The following CHST8 variants were observed in gnomAD, a reference collection of about 807,000 sequenced individuals.
CHST8 encodes GALNAC-4-ST1.
A neutral mutation model predicts 15.0 loss-of-function variants in CHST8; 10 were observed. The observed-to-expected ratio is 0.67, with a 90% CI of 0.41 to 1.13. CHST8 has a LOEUF of 1.13. Among genes scored for constraint, CHST8 ranks in the 50% most tolerant of loss-of-function variants. The probability of loss-of-function intolerance (pLI) is 0.00; values close to 1 mark genes in which losing one functional copy is unlikely to be tolerated. For missense variants in CHST8, 634 were observed against 608.2 expected (o/e 1.04, Z -0.45); for synonymous variants, 259 against 256.6 (o/e 1.01, Z -0.09).
intron 3 of CHST8, among the ~76,000 whole-genome samples, chr19:33,750,224 G>A (rs573826010): frequency 1.3e-5 from 2 of 152,312 alleles, no homozygotes; most frequent in African/African-American, 2.4e-5. Context: ...GCAGGGTTGG[G>A]AGGATGCACT....
At chr19:33,691,178 G>T (rs1335227017) in intron 3 of CHST8, among the ~76,000 whole-genome samples, 3 of 152,224 alleles carry the variant, frequency 2.0e-5, no homozygotes. Flanking sequence ...GTGCACATAC[G>T]TGTGGATTAC....
At position 33,700,240 on chromosome 19, in the gene CHST8, T is replaced by C. The variant is rs574718265; in HGVS notation, c.130+10849T>C. On this transcript the variant is annotated intron_variant, in intron 3 of 4. Transcript: ENST00000650847. ...ATTGCGGAACATCATATATATTTCC[T>C]ACAAACCTTGGGAGGCTGACACATC... Among the ~76,000 whole-genome samples the C allele has an allele frequency of 2.6e-5, 4 of 152,342 alleles. No individual in the cohort carries two copies. The South Asian group carries it at 8.3e-4, about 32-fold the overall frequency.
chr19:33,689,982 G>A (rs1339873398), intron 3 of CHST8, among the ~76,000 whole-genome samples: 1 of 152,178 alleles, frequency 6.6e-6, no homozygotes, highest in African/African-American at 2.4e-5. Context: ...GAGCAGGAAG[G>A]GTGATTCTGG....
intron 1 of CHST8, among the ~76,000 whole-genome samples, chr19:33,660,122 C>T (rs182398383): frequency 2.6e-5 from 4 of 152,296 alleles, no homozygotes; most frequent in East Asian, 1.9e-4. Context: ...TCTGTGGATA[C>T]GGGCCCCACC....
chr19:33,740,979 G>A (rs1405497491), intron 3 of CHST8, among the ~76,000 whole-genome samples: 1 of 152,178 alleles, frequency 6.6e-6, no homozygotes, highest in Non-Finnish European at 1.5e-5. Flanking sequence ...CTTAGAGCGG[G>A]GTATCATTGG....
At chr19:33,639,704 T>A (rs559667689) in intron 1 of CHST8, among the ~76,000 whole-genome samples, 2 of 152,140 alleles carry the variant, frequency 1.3e-5, no homozygotes, top group Non-Finnish European at 2.9e-5. Flanking sequence ...GTTCTCAGGC[T>A]GATCCCCCTC....
intron 3 of CHST8, among the ~76,000 whole-genome samples, chr19:33,701,218 TC>T (rs1228345945): frequency 5.9e-5 from 9 of 152,218 alleles, no homozygotes; most frequent in African/African-American, 2.2e-4. Flanking sequence ...AGCAGTGCCA[TC>T]CTGTGTCTTC....
intron 3 of CHST8, among the ~76,000 whole-genome samples, chr19:33,761,870 A>C (rs1974736199): frequency 6.6e-6 from 1 of 151,898 alleles, no homozygotes; most frequent in South Asian, 2.1e-4. Context: ...GGAGGGAGAG[A>C]GGGAAAGGAT....
chr19:33,624,309 G>C (rs1402684097), intron 1 of CHST8, among the ~76,000 whole-genome samples: 1 of 152,202 alleles, frequency 6.6e-6, no homozygotes, highest in Non-Finnish European at 1.5e-5. Flanking sequence ...CTCCAGTTGG[G>C]AGAGGAGAGC....
chr19:33,669,201 CCTG>C (rs1391865674), intron 2 of CHST8, among the ~76,000 whole-genome samples: 1 of 152,198 alleles, frequency 6.6e-6, no homozygotes, highest in Admixed American at 6.5e-5. Context: ...GGATGCCTGA[CCTG>C]CCCCATCACC....
chr19:33,727,347 CA>C (rs1481063899), intron 3 of CHST8, among the ~76,000 whole-genome samples: 1 of 152,108 alleles, frequency 6.6e-6, no homozygotes, highest in Non-Finnish European at 1.5e-5. Context: ...GTGGCTGCAG[CA>C]CTGCCCAAGG....
intron 3 of CHST8, among the ~76,000 whole-genome samples, chr19:33,748,715 T>C (rs1268173247): frequency 6.6e-6 from 1 of 152,150 alleles, no homozygotes; most frequent in East Asian, 1.9e-4. Flanking sequence ...GATTTCCCAT[T>C]ATACAGATAG....
intron 1 of CHST8, among the ~76,000 whole-genome samples, chr19:33,665,335 G>A (rs1972641960): frequency 1.3e-5 from 2 of 152,180 alleles, no homozygotes; most frequent in Admixed American, 6.5e-5. Context: ...AAACGACCAT[G>A]GAGTAAATAT....
At chr19:33,697,564 T>C (rs1973244266) in intron 3 of CHST8, among the ~76,000 whole-genome samples, 1 of 152,128 alleles carries the variant, frequency 6.6e-6, no homozygotes, top group African/African-American at 2.4e-5. Context: ...ATGAGTGAAT[T>C]ATTATTACAC....
intron 3 of CHST8, among the ~76,000 whole-genome samples, chr19:33,748,760 G>A (rs1001209000): frequency 3.3e-4 from 51 of 152,274 alleles, no homozygotes; most frequent in Middle Eastern, 3.4e-3. Flanking sequence ...AATTGCTGCC[G>A]CTCCTGGGCC....
intron 3 of CHST8, among the ~76,000 whole-genome samples, chr19:33,701,341 C>T (rs1973332826): frequency 6.6e-6 from 1 of 152,146 alleles, no homozygotes. Context: ...CAGAGCCTCA[C>T]TTTCCTTTGG....
intron 2 of CHST8, among the ~76,000 whole-genome samples, chr19:33,686,172 C>T (rs1032776264): frequency 3.3e-5 from 5 of 152,134 alleles, no homozygotes; most frequent in South Asian, 2.1e-4. Context: ...CGTGTTCTCT[C>T]GGGGGCCAGC....
At chr19:33,673,421 C>A (rs562688808) in intron 2 of CHST8, among the ~76,000 whole-genome samples, 3 of 152,156 alleles carry the variant, frequency 2.0e-5, no homozygotes, top group Non-Finnish European at 4.4e-5. Flanking sequence ...GAGCCAGGGA[C>A]CCTGGGTGGG....
chr19:33,657,417 C>T (rs1972524762), intron 1 of CHST8, among the ~76,000 whole-genome samples: 2 of 151,926 alleles, frequency 1.3e-5, no homozygotes, highest in African/African-American at 4.8e-5. Context: ...TACAGGCACA[C>T]ACCACCACGC....
Sources: gnomAD v4.1 joint callset for allele counts (sites outside exome capture counted in the v4.1 genomes callset) on GRCh38, gnomAD v4.1.1 for gene constraint, MANE v1.5 for transcripts, NCBI Gene and HGNC (gene_info 2026-07-23, HGNC 2026-07-21) for gene names.